The following SDK1 variants were observed in gnomAD, a reference collection of about 807,000 sequenced individuals.
SDK1 encodes the protein sidekick cell adhesion molecule 1, also known as protein sidekick-1.
SDK1 carries 157 observed loss-of-function variants against 245.5 expected under a neutral mutation model. The observed-to-expected ratio is 0.64, with a 90% CI of 0.56 to 0.73. The LOEUF is 0.73. SDK1 is among the 30% of genes least tolerant of loss of function. The probability of loss-of-function intolerance (pLI) is 0.00; values close to 1 mark genes in which losing one functional copy is unlikely to be tolerated. For missense variants in SDK1, 3,583 were observed against 3,002.3 expected, an observed-to-expected ratio of 1.19 and a Z score of -4.52; for synonymous variants, 1,647 against 1,278.5, an observed-to-expected ratio of 1.29 and a Z score of -6.15.
At chr7:4,183,450 A>G (rs569737349) in intron 35 of SDK1, among the ~76,000 whole-genome samples, 43 of 152,090 alleles carry the variant, frequency 2.8e-4, no homozygotes, top group Admixed American at 5.2e-4. Context: ...CCTGGCCAAC[A>G]TGGTGAAACC....
intron 1 of SDK1, among the ~76,000 whole-genome samples, chr7:3,415,926 G>A (rs1779354298): frequency 6.6e-6 from 1 of 152,042 alleles, no homozygotes; most frequent in East Asian, 1.9e-4. Flanking sequence ...CCCCCATCCT[G>A]CTCATTGTCT....
In SDK1 at chr7:4,174,111, C is replaced by T. The variant is rs769266720; in HGVS notation, c.4801-111C>T. ...ATCTGACACCTGTCGCTGGAACCCA[C>T]GACTTTCTTCTGTGCAGCTGGCTAG... is the stretch of plus-strand genomic sequence containing the variant. On this transcript the variant is annotated intron_variant, in intron 32 of 44. Coordinates refer to ENST00000404826, the MANE Select transcript of SDK1 (RefSeq NM_152744.4). 4.8e-5 allele frequency: 59 copies of T among 1,222,048 alleles called. 1 individual carries two copies. The East Asian group carries it at 1.2e-3, about 25-fold the overall frequency. 75.7% of individuals were successfully genotyped at this position (1,222,048 alleles called of 1,614,324 possible).
intron 5 of SDK1, among the ~76,000 whole-genome samples, chr7:3,846,791 C>G (rs1322741983): frequency 2.0e-5 from 3 of 152,102 alleles, no homozygotes; most frequent in Non-Finnish European, 4.4e-5. Flanking sequence ...TGGTTCCTAT[C>G]AGGAGATCCC....
chr7:3,871,830 A>G (rs969545347), intron 5 of SDK1, among the ~76,000 whole-genome samples: 7 of 152,200 alleles, frequency 4.6e-5, no homozygotes, highest in African/African-American at 1.7e-4. Context: ...TGGAGGGGAC[A>G]AATGTCCAGA....
At chr7:3,803,412 G>A (rs1246023748) in intron 4 of SDK1, among the ~76,000 whole-genome samples, 1 of 151,026 alleles carries the variant, frequency 6.6e-6, no homozygotes, top group African/African-American at 2.4e-5. Context: ...TGAAATTCAA[G>A]CAATTCTCCC....
At chr7:3,404,346 T>C (rs1203554598) in intron 1 of SDK1, among the ~76,000 whole-genome samples, 1 of 152,182 alleles carries the variant, frequency 6.6e-6, no homozygotes, top group Admixed American at 6.5e-5. Flanking sequence ...TTTCTTCCGG[T>C]GTATGGCTTT....
intron 1 of SDK1, among the ~76,000 whole-genome samples, chr7:3,516,528 T>C (rs1210575819): frequency 1.3e-5 from 2 of 152,192 alleles, no homozygotes; most frequent in African/African-American, 4.8e-5. Context: ...ATGAAATCTT[T>C]TATGAAACTA....
intron 1 of SDK1, among the ~76,000 whole-genome samples, chr7:3,495,956 A>G (rs964250935): frequency 6.6e-6 from 1 of 152,234 alleles, no homozygotes; most frequent in Non-Finnish European, 1.5e-5. Flanking sequence ...AGAATTTTGC[A>G]TACAACTAGA....
intron 1 of SDK1, among the ~76,000 whole-genome samples, chr7:3,582,067 CAGGTAGGTCTCCCTCAGGTAGGCCTG>C (rs1348051676): frequency 6.8e-6 from 1 of 145,998 alleles, no homozygotes; most frequent in African/African-American, 2.5e-5. Flanking sequence ...AGGCCTGTCT[CAGGTAGGTCTCCCTCAGGTAGGCCTG>C]TCTCAGGTAG....
intron 22 of SDK1, among the ~76,000 whole-genome samples, chr7:4,091,675 A>G (rs1781811944): frequency 6.6e-6 from 1 of 152,058 alleles, no homozygotes; most frequent in Non-Finnish European, 1.5e-5. Context: ...ATGATGAATG[A>G]GCAGGCATCT....
intron 1 of SDK1, among the ~76,000 whole-genome samples, chr7:3,324,361 G>C (rs1347899368): frequency 6.6e-6 from 1 of 152,084 alleles, no homozygotes; most frequent in East Asian, 1.9e-4. Context: ...ATATTTACTA[G>C]TACCCTAGAA....
At chr7:3,696,298 C>T (rs1474801427) in intron 4 of SDK1, among the ~76,000 whole-genome samples, 1 of 152,040 alleles carries the variant, frequency 6.6e-6, no homozygotes, top group Admixed American at 6.5e-5. Flanking sequence ...CCTTGGATCC[C>T]CCAATCACGT....
At chr7:4,217,436 G>GAGCACTCAGCCATGTGCTT (rs1784881221) in intron 38 of SDK1, among the ~76,000 whole-genome samples, 1 of 127,096 alleles carries the variant, frequency 7.9e-6, no homozygotes, top group Non-Finnish European at 1.7e-5. Context: ...CAGGCCACTC[G>GAGCACTCAGCCATGTGCTT]GAGAACCACA....
At chr7:3,621,769 A>T (rs1781949249) in intron 2 of SDK1, among the ~76,000 whole-genome samples, 1 of 152,202 alleles carries the variant, frequency 6.6e-6, no homozygotes, top group South Asian at 2.1e-4. Context: ...AGACAGAGTA[A>T]TATCAAAGTT....
chr7:3,657,905 AG>A (rs1783239420), intron 4 of SDK1, among the ~76,000 whole-genome samples: 1 of 152,180 alleles, frequency 6.6e-6, no homozygotes, highest in Non-Finnish European at 1.5e-5. Context: ...CATAGAGCCG[AG>A]GATGGAGGTT....
At chr7:4,179,740 G>C (rs1034401403) in intron 35 of SDK1, among the ~76,000 whole-genome samples, 1 of 151,996 alleles carries the variant, frequency 6.6e-6, no homozygotes, top group African/African-American at 2.4e-5. Flanking sequence ...TGCTGTCAGA[G>C]AGGGGTGCCA....
chr7:4,007,294 G>A (rs939400718), intron 14 of SDK1, among the ~76,000 whole-genome samples: 2 of 152,178 alleles, frequency 1.3e-5, no homozygotes, highest in Non-Finnish European at 2.9e-5. Flanking sequence ...TCAAGAGCCC[G>A]AGGCAGTTGC....
At chr7:3,737,371 A>T (rs1779345628) in intron 4 of SDK1, among the ~76,000 whole-genome samples, 1 of 152,120 alleles carries the variant, frequency 6.6e-6, no homozygotes, top group African/African-American at 2.4e-5. Context: ...TGGGTGGTGC[A>T]GGGGGGCGTC....
At chr7:3,474,846 T>C (rs1781303849) in intron 1 of SDK1, among the ~76,000 whole-genome samples, 1 of 152,130 alleles carries the variant, frequency 6.6e-6, no homozygotes, top group African/African-American at 2.4e-5. Flanking sequence ...GTGTGCACCA[T>C]CATACCTGGC....
Sources: allele counts gnomAD v4.1 joint callset (sites outside exome capture counted in the v4.1 genomes callset), GRCh38; gene constraint gnomAD v4.1.1; transcripts MANE v1.5; gene names NCBI Gene and HGNC (gene_info 2026-07-23, HGNC 2026-07-21).